UTP20: variants seen among roughly 807,000 people sequenced by gnomAD.
The protein encoded by UTP20 is UTP20 small subunit processome component, also known as small subunit processome component 20 homolog.
In UTP20, 164 loss-of-function variants were observed where a neutral mutation model predicts 329.5. That is an observed-to-expected ratio of 0.50 (90% confidence interval 0.44 to 0.57). UTP20 has a LOEUF of 0.57. Ranked by LOEUF, UTP20 falls within the 20% of genes least tolerant of loss-of-function variation. The probability of loss-of-function intolerance (pLI) is 0.00; values close to 1 mark genes in which losing one functional copy is unlikely to be tolerated. For missense variants in UTP20, 3,055 were observed against 3,284.2 expected, an observed-to-expected ratio of 0.93 and a Z score of 1.71; for synonymous variants, 1,151 against 1,159.3, an observed-to-expected ratio of 0.99 and a Z score of 0.14.
At chr12:101,385,543 T>C (rs1468425693) in intron 60 of UTP20, 40 bp from the exon 61 acceptor site, 1 of 1,586,232 alleles carries the variant, frequency 6.3e-7, no homozygotes, top group Non-Finnish European at 8.5e-7. Flanking sequence ...ATGTGTCCTT[T>C]CCTACCTGTC....
intron 41 of UTP20, 147 bp downstream of exon 41, chr12:101,355,265 C>G: frequency 1.1e-6 from 1 of 893,342 alleles, no homozygotes; most frequent in Non-Finnish European, 1.7e-6. Flanking sequence ...CCCCTCTACT[C>G]TTATCTCTTC....
intron 38 of UTP20, among the ~76,000 whole-genome samples, chr12:101,349,446 T>A: frequency 6.6e-6 from 1 of 150,864 alleles, no homozygotes; most frequent in Non-Finnish European, 1.5e-5. Context: ...AGAATTTCAC[T>A]CTGTCACCCA....
In UTP20 at chr12:101,280,368, T is replaced by A. The variant is rs906299050; in HGVS notation, c.45+41T>A. 9 of 1,551,308 alleles carry A rather than the reference T, an allele frequency of 5.8e-6. No individual in the cohort carries two copies. The African/African-American group carries it at 9.6e-5, about 17-fold the overall frequency. ...TAGGCAGGGAGCCGCGGGTCTCCGCTGCCTCAGTCGTGAGACAGGCTCTGA... is the reference window on the plus strand; with the variant it reads ...TAGGCAGGGAGCCGCGGGTCTCCGCAGCCTCAGTCGTGAGACAGGCTCTGA... On this transcript the variant is annotated intron_variant, in intron 1 of 61. Coordinates refer to ENST00000261637, the MANE Select transcript of UTP20 (RefSeq NM_014503.3).
chr12:101,323,939 C>A (rs1177403063), intron 25 of UTP20, among the ~76,000 whole-genome samples: 1 of 151,884 alleles, frequency 6.6e-6, no homozygotes, highest in East Asian at 2.0e-4. Context: ...GAGTTGGAGA[C>A]CAGCCTGACC....
chr12:101,352,555 C>T (rs1004801222), intron 39 of UTP20, among the ~76,000 whole-genome samples: 3 of 151,382 alleles, frequency 2.0e-5, no homozygotes, highest in African/African-American at 7.3e-5. Flanking sequence ...AGTAAACTAT[C>T]GCAAGAACAA....
chr12:101,365,437 G>A (rs1158257735), intron 45 of UTP20, 22 bp from the exon 46 acceptor site: 2 of 1,569,168 alleles, frequency 1.3e-6, no homozygotes, highest in Admixed American at 3.9e-5. Flanking sequence ...ATCTCAGCAT[G>A]ACATTTATGT....
chr12:101,368,289 C>T (rs1280847780), intron 48 of UTP20, among the ~76,000 whole-genome samples: 2 of 151,850 alleles, frequency 1.3e-5, no homozygotes, highest in Admixed American at 6.6e-5. Flanking sequence ...CACACCACCA[C>T]GCCCGGCTAA....
intron 32 of UTP20, among the ~76,000 whole-genome samples, chr12:101,341,887 A>AGAGT (rs1491270195): frequency 1.2e-3 from 180 of 151,914 alleles, no homozygotes; most frequent in African/African-American, 4.2e-3. Flanking sequence ...ACTGGACAAC[A>AGAGT]GAGTGAGACT....
chr12:101,298,506 AAGG>A (rs1213642869), intron 12 of UTP20, among the ~76,000 whole-genome samples: 2 of 152,120 alleles, frequency 1.3e-5, no homozygotes, highest in African/African-American at 4.8e-5. Context: ...GGTAAAGAGC[AAGG>A]AGGAGATTGG....
At chr12:101,343,164 C>A in intron 35 of UTP20, 71 bp downstream of exon 35, 1 of 1,088,606 alleles carries the variant, frequency 9.2e-7, no homozygotes, top group Non-Finnish European at 1.2e-6. Flanking sequence ...AATACAGTGA[C>A]CTGATCTTTA....
chr12:101,324,159 AT>A (rs200939947), intron 25 of UTP20, among the ~76,000 whole-genome samples: 18 of 147,462 alleles, frequency 1.2e-4, no homozygotes, highest in Middle Eastern at 3.7e-3. Context: ...AAATAAATAA[AT>A]AAATAATAAT....
At chr12:101,316,308 G>A (rs545699213) in intron 21 of UTP20, among the ~76,000 whole-genome samples, 4 of 152,314 alleles carry the variant, frequency 2.6e-5, no homozygotes, top group South Asian at 2.1e-4. Flanking sequence ...TGGATGCTTT[G>A]TGTGAATTGT....
chr12:101,327,000 T>C, intron 25 of UTP20, 81 bp from the exon 26 acceptor site: 1 of 1,394,854 alleles, frequency 7.2e-7, no homozygotes, highest in Non-Finnish European at 9.8e-7. Flanking sequence ...ATTGAGTTGC[T>C]CTTCTAGCCT....
At chr12:101,357,883 A>T (rs183018765) in intron 43 of UTP20, among the ~76,000 whole-genome samples, 115 of 152,328 alleles carry the variant, frequency 7.5e-4, no homozygotes, top group Admixed American at 7.5e-3. Context: ...GTTGTGAGAA[A>T]TGTAGGATTT....
chr12:101,373,454 T>C lies in UTP20; in HGVS notation c.6932T>C (p.Phe2311Ser), dbSNP rs1333312155. 1 of 1,614,110 alleles carries C rather than the reference T, an allele frequency of 6.2e-7. No individual in the cohort carries two copies. The highest frequency in any genetic ancestry group is 8.5e-7 in the Non-Finnish European group (1 of 1,180,050). Reference protein sequence around the residue: ...ESTLEMIAYLFDTFPQGLLHE... With the variant: ...ESTLEMIAYLSDTFPQGLLHE... ...ACCTTGGAAATGATCGCCTATCTCT[T>C]TGACACGTTCCCTCAGGTACTGTGA... The change falls in exon 53 of 62, where the codon TTT (phenylalanine) becomes TCT (serine). Residue 2311 changes from phenylalanine (F) to serine (S), a missense_variant. Coordinates refer to ENST00000261637, the MANE Select transcript of UTP20 (RefSeq NM_014503.3).
intron 12 of UTP20, among the ~76,000 whole-genome samples, chr12:101,299,200 G>A (rs537460758): frequency 4.6e-5 from 7 of 152,276 alleles, no homozygotes; most frequent in African/African-American, 1.7e-4. Flanking sequence ...AAATGTCATT[G>A]AGCAACTGTG....
chr12:101,323,110 C>T (rs543330985), intron 25 of UTP20, among the ~76,000 whole-genome samples: 5 of 152,172 alleles, frequency 3.3e-5, no homozygotes, highest in East Asian at 3.9e-4. Flanking sequence ...TTTTATAAAA[C>T]GTTTTATAAC....
intron 51 of UTP20, among the ~76,000 whole-genome samples, chr12:101,371,555 G>A (rs963700508): frequency 6.3e-5 from 8 of 126,986 alleles, no homozygotes; most frequent in African/African-American, 1.8e-4. Context: ...TTTTTGAGAC[G>A]GAGTCTCACT....
intron 1 of UTP20, 23 bp from the exon 2 acceptor site, chr12:101,281,093 C>T: frequency 6.3e-7 from 1 of 1,583,424 alleles, no homozygotes; most frequent in Non-Finnish European, 8.7e-7. Flanking sequence ...AATTATGTAT[C>T]TTAAATATAC....
Sources: gnomAD v4.1 joint callset for allele counts (sites outside exome capture counted in the v4.1 genomes callset) on GRCh38, gnomAD v4.1.1 for gene constraint, MANE v1.5 for transcripts, NCBI Gene and HGNC (gene_info 2026-07-23, HGNC 2026-07-21) for gene names.